Variants in SMAD7 observed in about 807,000 individuals in gnomAD.
SMAD7 encodes MAD (mothers against decapentaplegic, Drosophila) homolog 7.
In SMAD7, 8 loss-of-function variants were observed where a neutral mutation model predicts 38.7. The observed-to-expected ratio is 0.21, with a 90% CI of 0.12 to 0.37. The LOEUF (loss-of-function observed/expected upper bound fraction) is 0.37. Ranked by LOEUF, SMAD7 falls within the 10% of genes least tolerant of loss-of-function variation. SMAD7 has a pLI of 1.00. For synonymous variants in SMAD7, 327 were observed against 265.1 expected, an observed-to-expected ratio of 1.23 and a Z score of -2.27; for missense variants, 477 against 577.9, an observed-to-expected ratio of 0.83 and a Z score of 1.79.
chr18:48,950,514 G>C lies in SMAD7; in HGVS notation c.-90C>G. 7.6e-7 allele frequency: 1 copy of C among 1,309,572 alleles called. No homozygotes were observed. Among genetic ancestry groups the C allele is most frequent in the South Asian group, 1.6e-5 (1 of 63,550 alleles). 81.1% of individuals were successfully genotyped at this position (1,309,572 alleles called of 1,614,324 possible). On this transcript the variant is annotated 5_prime_UTR_variant, in exon 1 of 4. Coordinates refer to ENST00000262158, the MANE Select transcript of SMAD7 (RefSeq NM_005904.4). Reference sequence around the variant, plus strand: ...CCATGAAGAAGTCGGGCGCCGAGTTGGGGCAGCAGGCGCAGGCGACAGCAG... The same window carrying C: ...CCATGAAGAAGTCGGGCGCCGAGTTCGGGCAGCAGGCGCAGGCGACAGCAG...
In SMAD7 at chr18:48,950,152, A is replaced by G; in HGVS notation, c.273T>C (p.Asp91=). The change falls in exon 1 of 4, where the codon GAT becomes GAC. Residue 91 remains aspartate (D), a synonymous_variant. Transcript: ENST00000262158. ...GAGAAGGAEA[D]LKALTHSVLK... is the part of the protein sequence containing the mutation. ...GCACCGAGTGCGTGAGCGCCTTCAG[A>G]TCCGCCTCGGCGCCCCCGGCCGCGC... The G allele has an allele frequency of 6.7e-7, 1 of 1,493,572 alleles. No homozygotes were observed. The highest frequency in any genetic ancestry group is 2.9e-5 in the East Asian group (1 of 34,528). 92.5% of individuals were successfully genotyped at this position (1,493,572 alleles called of 1,614,324 possible).
chr18:48,945,892 G>A (rs1050326046), intron 2 of SMAD7, among the ~76,000 whole-genome samples: 3 of 152,152 alleles, frequency 2.0e-5, no homozygotes, highest in Non-Finnish European at 4.4e-5. Context: ...AGGTGGGGGT[G>A]TCTTTCTGAC....
At chr18:48,931,294 A>C (rs1568300286) in intron 3 of SMAD7, among the ~76,000 whole-genome samples, 1 of 152,212 alleles carries the variant, frequency 6.6e-6, no homozygotes, top group East Asian at 1.9e-4. Context: ...TACACTTAAA[A>C]ATTGTTAATA....
intron 3 of SMAD7, 92 bp downstream of exon 3, chr18:48,942,389 C>G (rs56073541): frequency 0.059 from 47,099 of 797,686 alleles, 1,628 homozygotes; most frequent in Non-Finnish European, 0.072. Flanking sequence ...TCCAGACCAG[C>G]TGGGGTGGCA....
chr18:48,941,590 T>C (rs4939833), intron 3 of SMAD7, among the ~76,000 whole-genome samples: 29,425 of 152,182 alleles, frequency 0.19, 5,895 homozygotes, highest in African/African-American at 0.51. Flanking sequence ...AAATGCCAAA[T>C]GCCCAAAACT....
chr18:48,942,926 G>T, intron 2 of SMAD7: 1 of 295,280 alleles, frequency 3.4e-6, no homozygotes. Context: ...CCTCATCAAG[G>T]GCAGAAGGCT....
At chr18:48,948,603 C>A in intron 1 of SMAD7, 166 bp from the exon 2 acceptor site, 1 of 473,538 alleles carries the variant, frequency 2.1e-6, no homozygotes, top group South Asian at 2.9e-5. Flanking sequence ...GTCAGATAAA[C>A]AAAAGAGGCC....
chr18:48,947,389 CG>C (rs1288799312), intron 2 of SMAD7, among the ~76,000 whole-genome samples: 1 of 152,222 alleles, frequency 6.6e-6, no homozygotes, highest in African/African-American at 2.4e-5. Flanking sequence ...ACAGCCAAAA[CG>C]CAGGAGGCGG....
At chr18:48,932,133 G>A (rs1278599344) in intron 3 of SMAD7, among the ~76,000 whole-genome samples, 1 of 152,186 alleles carries the variant, frequency 6.6e-6, no homozygotes, top group Non-Finnish European at 1.5e-5. Context: ...GGCAGGGCTG[G>A]CTCAGAGGCT....
intron 3 of SMAD7, among the ~76,000 whole-genome samples, chr18:48,934,608 TGAAA>T (rs1184029731): frequency 6.6e-6 from 1 of 152,140 alleles, no homozygotes; most frequent in African/African-American, 2.4e-5. Context: ...GAAAAAGTCA[TGAAA>T]GATTCTTTAG....
At position 48,950,579 on chromosome 18, in the gene SMAD7, G is replaced by A; in HGVS notation, c.-155C>T. The A allele has an allele frequency of 4.9e-6, 3 of 606,442 alleles. No individual in the cohort carries two copies. The highest frequency in any genetic ancestry group is 7.3e-6 in the Non-Finnish European group (3 of 408,266). 37.6% of individuals were successfully genotyped at this position (606,442 alleles called of 1,614,324 possible). ...CGGGCAGGAGCGGCGGCGGCCCGAGGGGCGCTCCGTGGCATGCGCCAGTCT... is the reference window on the plus strand; with the variant it reads ...CGGGCAGGAGCGGCGGCGGCCCGAGAGGCGCTCCGTGGCATGCGCCAGTCT... On this transcript the variant is annotated 5_prime_UTR_variant, in exon 1 of 4. Coordinates refer to ENST00000262158, the MANE Select transcript of SMAD7 (RefSeq NM_005904.4).
At chr18:48,938,194 A>G (rs1218929666) in intron 3 of SMAD7, among the ~76,000 whole-genome samples, 2 of 152,214 alleles carry the variant, frequency 1.3e-5, no homozygotes, top group Non-Finnish European at 2.9e-5. Context: ...CTCTGAGACT[A>G]TGACAGATGC....
chr18:48,923,743 C>T (rs1416994828), intron 3 of SMAD7, among the ~76,000 whole-genome samples: 2 of 152,156 alleles, frequency 1.3e-5, no homozygotes, highest in Non-Finnish European at 2.9e-5. Flanking sequence ...TCACCACCCC[C>T]CATGTAGCTT....
intron 3 of SMAD7, among the ~76,000 whole-genome samples, chr18:48,935,791 GCA>G (rs904106120): frequency 1.4e-4 from 21 of 152,176 alleles, no homozygotes; most frequent in African/African-American, 4.8e-4. Context: ...GTAACACACA[GCA>G]GAAGGCCAGG....
intron 3 of SMAD7, chr18:48,930,234 A>G (rs2069981386): frequency 6.6e-6 from 1 of 152,610 alleles, no homozygotes; most frequent in African/African-American, 2.4e-5. Flanking sequence ...AGACTGGAAA[A>G]GTTAATCATT....
intron 3 of SMAD7, among the ~76,000 whole-genome samples, chr18:48,927,928 C>G (rs1032791221): frequency 6.6e-6 from 1 of 152,180 alleles, no homozygotes; most frequent in Non-Finnish European, 1.5e-5. Flanking sequence ...AGTCACTGGC[C>G]GAAGTGCAGA....
In SMAD7 at chr18:48,948,456, G is replaced by A; in HGVS notation, c.614-19C>T. On this transcript the variant is annotated intron_variant, in intron 1 of 3. Coordinates refer to ENST00000262158, the MANE Select transcript of SMAD7 (RefSeq NM_005904.4). Reference sequence around the variant, plus strand: ...GGAGACTCTGAAATTAAAAAAGCAAGAGAAAATAAAGGCCCAGCCATGAGA... The same window carrying A: ...GGAGACTCTGAAATTAAAAAAGCAAAAGAAAATAAAGGCCCAGCCATGAGA... 6.4e-7 allele frequency: 1 copy of A among 1,571,250 alleles called. No individual in the cohort carries two copies. The highest frequency in any genetic ancestry group is 8.7e-7 in the Non-Finnish European group (1 of 1,154,996).
intron 2 of SMAD7, among the ~76,000 whole-genome samples, chr18:48,947,916 G>A (rs868009260): frequency 4.4e-5 from 6 of 137,798 alleles, no homozygotes; most frequent in African/African-American, 1.7e-4. Context: ...TTTACTGGCT[G>A]TTGCCTATAC....
intron 3 of SMAD7, among the ~76,000 whole-genome samples, chr18:48,934,757 C>T (rs879857093): frequency 6.6e-6 from 1 of 151,450 alleles, no homozygotes; most frequent in Non-Finnish European, 1.5e-5. Context: ...TACATGTTCT[C>T]GTGGGAGTGG....
Sources: allele counts gnomAD v4.1 joint callset (sites outside exome capture counted in the v4.1 genomes callset), GRCh38; gene constraint gnomAD v4.1.1; transcripts MANE v1.5; gene names NCBI Gene and HGNC (gene_info 2026-07-23, HGNC 2026-07-21).